The following PPP1R14C variants were observed in gnomAD, a reference collection of about 807,000 sequenced individuals.
PPP1R14C encodes the protein protein phosphatase 1 regulatory inhibitor subunit 14C.
PPP1R14C carries 16 observed loss-of-function variants against 20.4 expected under a neutral mutation model. The observed-to-expected ratio is 0.78, with a 90% CI of 0.53 to 1.19. The LOEUF is 1.19. PPP1R14C is among the 50% of genes most tolerant of loss of function. The pLI is 0.00. For synonymous variants in PPP1R14C, 91 were observed against 91.0 expected (o/e 1.00, Z 0.00); for missense variants, 211 against 220.1 (o/e 0.96, Z 0.26).
intron 1 of PPP1R14C, among the ~76,000 whole-genome samples, chr6:150,155,376 A>G (rs1464080648): frequency 3.3e-5 from 5 of 152,354 alleles, no homozygotes; most frequent in African/African-American, 1.2e-4. Flanking sequence ...TAGAATCATA[A>G]AGCACCATCA....
chr6:150,232,731 G>A (rs1778308840), intron 3 of PPP1R14C, among the ~76,000 whole-genome samples: 1 of 152,028 alleles, frequency 6.6e-6, no homozygotes, highest in East Asian at 1.9e-4. Flanking sequence ...TTATAAGTAG[G>A]GACTACTTCT....
chr6:150,175,768 G>A (rs937697501), intron 1 of PPP1R14C, among the ~76,000 whole-genome samples: 1 of 152,198 alleles, frequency 6.6e-6, no homozygotes, highest in South Asian at 2.1e-4. Flanking sequence ...ACTGTGCTAG[G>A]TATGAGGCTG....
At chr6:150,148,936 C>T (rs552379929) in intron 1 of PPP1R14C, among the ~76,000 whole-genome samples, 26 of 152,096 alleles carry the variant, frequency 1.7e-4, no homozygotes, top group Middle Eastern at 3.4e-3. Flanking sequence ...TGGTGGCATG[C>T]GCTGGTGGTC....
chr6:150,228,923 G>T (rs1778261038), intron 3 of PPP1R14C, among the ~76,000 whole-genome samples: 1 of 152,024 alleles, frequency 6.6e-6, no homozygotes, highest in African/African-American at 2.4e-5. Context: ...ATTAATAATT[G>T]TTATTTTTAT....
At chr6:150,183,403 A>G (rs541776498) in intron 1 of PPP1R14C, among the ~76,000 whole-genome samples, 1 of 152,360 alleles carries the variant, frequency 6.6e-6, no homozygotes, top group Non-Finnish European at 1.5e-5. Flanking sequence ...TTAGGACTTC[A>G]GGGAAATTCA....
At chr6:150,243,504 A>T (rs576590003) in intron 3 of PPP1R14C, among the ~76,000 whole-genome samples, 212 of 152,244 alleles carry the variant, frequency 1.4e-3, no homozygotes, top group African/African-American at 4.7e-3. Context: ...AATTTAAAGG[A>T]CCTAGAATAG....
intron 1 of PPP1R14C, among the ~76,000 whole-genome samples, chr6:150,165,579 T>C (rs1452881128): frequency 1.3e-5 from 2 of 152,254 alleles, no homozygotes; most frequent in Non-Finnish European, 2.9e-5. Context: ...ACTAAAATAA[T>C]AGGATTATTT....
intron 3 of PPP1R14C, among the ~76,000 whole-genome samples, chr6:150,229,266 C>T (rs1021749468): frequency 7.9e-5 from 12 of 152,164 alleles, no homozygotes; most frequent in Admixed American, 3.9e-4. Context: ...CCCTCATTGA[C>T]AATGAATGAG....
At chr6:150,225,100 C>T (rs1234630533) in intron 3 of PPP1R14C, among the ~76,000 whole-genome samples, 1 of 151,552 alleles carries the variant, frequency 6.6e-6, no homozygotes, top group East Asian at 1.9e-4. Context: ...AGGTTAGGCT[C>T]TGGTTAGTTT....
chr6:150,209,764 T>C (rs1193670943), intron 1 of PPP1R14C, among the ~76,000 whole-genome samples: 1 of 151,732 alleles, frequency 6.6e-6, no homozygotes, highest in African/African-American at 2.4e-5. Context: ...TGTTTGTATA[T>C]ATATTTGTGT....
intron 1 of PPP1R14C, among the ~76,000 whole-genome samples, chr6:150,190,711 C>T (rs985529754): frequency 9.2e-5 from 14 of 152,156 alleles, no homozygotes; most frequent in Non-Finnish European, 2.9e-5. Context: ...TGCGGTGAGC[C>T]ACCACACCCA....
Position 150,201,685 on chromosome 6 carries a change from A to G in PPP1R14C, c.307-13059A>G, listed in dbSNP as rs1044718363. Among the ~76,000 whole-genome samples the G allele has an allele frequency of 3.9e-5, 6 of 152,162 alleles. No homozygotes were observed. Among genetic ancestry groups the G allele is most frequent in the Non-Finnish European group, 8.8e-5 (6 of 68,022 alleles). ...AGTTGCTACTCTGGCTACAGAGTGG[A>G]AACTGGGATGGCGGAGGCATGAGGG... On this transcript the variant is annotated intron_variant, in intron 1 of 3. Transcript: ENST00000361131. This position sits in a 1 kb window ranked among gnomAD's most constrained non-coding sequence, Gnocchi z 4.2.
In PPP1R14C at chr6:150,165,770, G is replaced by C. The variant is rs181818786; in HGVS notation, c.306+22272G>C. Among the ~76,000 whole-genome samples, 5 of 152,262 alleles carry C rather than the reference G, an allele frequency of 3.3e-5. No homozygotes were observed. In the East Asian group the frequency reaches 9.6e-4, roughly 29 times the overall value. ...CTAGATAAACAGGCAACAGGCCTAA[G>C]AATTAGAGCTTTTATGTTGCTATCA... On this transcript the variant is annotated intron_variant, in intron 1 of 3. Coordinates refer to ENST00000361131, the MANE Select transcript of PPP1R14C (RefSeq NM_030949.3).
At position 150,217,195 on chromosome 6, in the gene PPP1R14C, ATT is replaced by A. The variant is rs397886649; in HGVS notation, c.423+356_423+357del. Among the ~76,000 whole-genome samples, 542 of 135,578 alleles carry A rather than the reference ATT, an allele frequency of 4.0e-3. 3 individuals carry two copies. Among genetic ancestry groups the A allele is most frequent in the African/African-American group, 0.013 (492 of 36,714 alleles). The allele number at this position is 135,578 out of a possible 152,430, so 88.9% of individuals were successfully genotyped here. A position where few individuals can be genotyped will look rare whatever the true frequency, so the allele number is the denominator to read the frequency against. ...ATATTCTATTGGTTTATTGGTATGTATTTTTTTTTTTTTTTTTTGAGACGGAG... is the reference window on the plus strand; with the variant it reads ...ATATTCTATTGGTTTATTGGTATGTATTTTTTTTTTTTTTTTGAGACGGAG... On this transcript the variant is annotated intron_variant, in intron 3 of 3. Coordinates refer to ENST00000361131, the MANE Select transcript of PPP1R14C (RefSeq NM_030949.3).
intron 3 of PPP1R14C, among the ~76,000 whole-genome samples, chr6:150,221,429 G>A (rs1169601946): frequency 6.6e-6 from 1 of 152,170 alleles, no homozygotes; most frequent in Non-Finnish European, 1.5e-5. Context: ...TGCCCTGTCT[G>A]AACTAAATGC....
intron 3 of PPP1R14C, among the ~76,000 whole-genome samples, chr6:150,218,499 G>T: frequency 1.6e-5 from 2 of 127,762 alleles, no homozygotes; most frequent in Admixed American, 9.3e-5. Flanking sequence ...AAAAAATTCT[G>T]AGGCTTATTT....
At chr6:150,219,263 C>G (rs1445769027) in intron 3 of PPP1R14C, among the ~76,000 whole-genome samples, 1 of 152,056 alleles carries the variant, frequency 6.6e-6, no homozygotes, top group East Asian at 1.9e-4. Flanking sequence ...GGGTCTCGCT[C>G]TGTCACCTAG....
intron 1 of PPP1R14C, among the ~76,000 whole-genome samples, chr6:150,167,287 G>A (rs1777433152): frequency 1.3e-5 from 2 of 151,972 alleles, no homozygotes; most frequent in Admixed American, 6.6e-5. Context: ...AGAATTGCTT[G>A]AACCCAGGAG....
chr6:150,217,282 G>A (rs1294057371), intron 3 of PPP1R14C, among the ~76,000 whole-genome samples: 2 of 145,110 alleles, frequency 1.4e-5, no homozygotes, highest in Non-Finnish European at 3.0e-5. Context: ...TGCAACCTCC[G>A]CCTCCTGAGT....
Sources: gnomAD v4.1 joint callset for allele counts (sites outside exome capture counted in the v4.1 genomes callset) on GRCh38, gnomAD v4.1.1 for gene constraint, Gnocchi (gnomAD v3.1) non-coding constraint, MANE v1.5 for transcripts, NCBI Gene and HGNC (gene_info 2026-07-23, HGNC 2026-07-21) for gene names.